The following AKAP10 variants were observed in gnomAD, a reference collection of about 807,000 sequenced individuals.
AKAP10 encodes the protein A-kinase anchor protein 10, mitochondrial.
A neutral mutation model predicts 80.8 loss-of-function variants in AKAP10; 24 were observed. The observed-to-expected ratio is 0.30, with a 90% CI of 0.22 to 0.42. AKAP10 has a LOEUF of 0.42. AKAP10 is among the 10% of genes least tolerant of loss of function. The probability of loss-of-function intolerance (pLI) is 1.00; values close to 1 mark genes in which losing one functional copy is unlikely to be tolerated. For synonymous variants in AKAP10, 291 were observed against 277.7 expected, an observed-to-expected ratio of 1.05 and a Z score of -0.48; for missense variants, 661 against 794.9, an observed-to-expected ratio of 0.83 and a Z score of 2.03.
chr17:19,951,417 C>G (rs1332010533), intron 4 of AKAP10, among the ~76,000 whole-genome samples: 1 of 152,168 alleles, frequency 6.6e-6, no homozygotes, highest in African/African-American at 2.4e-5. Flanking sequence ...TCATTGAGAA[C>G]GGGCCATGAT....
At chr17:19,950,641 C>T (rs1457876814) in intron 4 of AKAP10, among the ~76,000 whole-genome samples, 3 of 152,232 alleles carry the variant, frequency 2.0e-5, no homozygotes, top group Admixed American at 6.5e-5. Context: ...AGTGCAGTGG[C>T]GTGATCTCAG....
chr17:19,918,090 C>T (rs1018707513), intron 12 of AKAP10, among the ~76,000 whole-genome samples: 6 of 149,216 alleles, frequency 4.0e-5, no homozygotes, highest in South Asian at 2.1e-4. Context: ...TGTGGTGGCA[C>T]GCGCCTGTAA....
At chr17:19,924,192 G>A (rs1290904685) in intron 11 of AKAP10, among the ~76,000 whole-genome samples, 1 of 152,134 alleles carries the variant, frequency 6.6e-6, no homozygotes, top group African/African-American at 2.4e-5. Context: ...GATACCAAGA[G>A]GTTAGCGGCT....
intron 11 of AKAP10, 77 bp downstream of exon 11, chr17:19,924,331 G>C: frequency 9.6e-7 from 1 of 1,043,384 alleles, no homozygotes; most frequent in Non-Finnish European, 1.3e-6. Flanking sequence ...AGAAAAAAAT[G>C]TAAAATTTAA....
chr17:19,962,486 C>T (rs999329297), intron 3 of AKAP10, among the ~76,000 whole-genome samples: 2 of 152,168 alleles, frequency 1.3e-5, no homozygotes, highest in African/African-American at 4.8e-5. Context: ...TGCATCTTCA[C>T]TGACATTCAA....
At chr17:19,910,339 A>AAAAAAAAACAAAC (rs1425341451) in intron 12 of AKAP10, among the ~76,000 whole-genome samples, 17 of 151,624 alleles carry the variant, frequency 1.1e-4, no homozygotes, top group African/African-American at 4.1e-4. Context: ...AAAAAAAAAA[A>AAAAAAAAACAAAC]AAACCACTAT....
At chr17:19,925,122 C>A (rs1209149973) in intron 10 of AKAP10, among the ~76,000 whole-genome samples, 1 of 152,074 alleles carries the variant, frequency 6.6e-6, no homozygotes, top group African/African-American at 2.4e-5. Context: ...CAAGATTGTA[C>A]CACTGCACGC....
chr17:19,962,763 G>A (rs2043368501), intron 3 of AKAP10, 77 bp downstream of exon 3: 6 of 1,450,920 alleles, frequency 4.1e-6, no homozygotes, highest in Non-Finnish European at 2.8e-6. Context: ...ATATAGTTCT[G>A]TATCCTATGA....
chr17:19,908,528 C>T (rs1043696755), intron 14 of AKAP10, among the ~76,000 whole-genome samples: 1 of 152,166 alleles, frequency 6.6e-6, no homozygotes, highest in Non-Finnish European at 1.5e-5. Context: ...CAGATCACTC[C>T]TAGGCCAAGG....
At chr17:19,936,084 A>G (rs1251743169) in intron 9 of AKAP10, 1 of 443,542 alleles carries the variant, frequency 2.3e-6, no homozygotes, top group African/African-American at 2.0e-5. Flanking sequence ...GGACCATCGT[A>G]CACGCAGTCC....
At chr17:19,961,021 TAAATAAACAAAC>T (rs1046534944) in intron 3 of AKAP10, among the ~76,000 whole-genome samples, 3 of 143,336 alleles carry the variant, frequency 2.1e-5, no homozygotes, top group African/African-American at 8.4e-5. Flanking sequence ...CGTCTACAAA[TAAATAAACAAAC>T]AAACAAACAA....
At chr17:19,913,622 T>A (rs2042714882) in intron 12 of AKAP10, among the ~76,000 whole-genome samples, 1 of 152,186 alleles carries the variant, frequency 6.6e-6, no homozygotes, top group Non-Finnish European at 1.5e-5. Context: ...GGATATGATA[T>A]ACACAGATAC....
chr17:19,962,890 G>C lies in AKAP10; in HGVS notation c.269C>G (p.Thr90Arg), dbSNP rs1302380098. 6.2e-7 allele frequency: 1 copy of C among 1,614,142 alleles called. No homozygotes were observed. Among genetic ancestry groups the C allele is most frequent in the Non-Finnish European group, 8.5e-7 (1 of 1,179,996 alleles). The change falls in exon 3 of 15, where the codon ACA (threonine) becomes AGA (arginine). Residue 90 changes from threonine (T) to arginine (R), a missense_variant. By Grantham distance (71) the Thr-to-Arg change is moderately conservative. Coordinates refer to ENST00000225737, the MANE Select transcript of AKAP10 (RefSeq NM_007202.4). ...MDSFSSSRTA[T>R]LKKQPSHMEA... ...CATGTGGCTTGGCTGCTTCTTAAGT[G>C]TGGCTGTCCTGCTACTTGAAAAGGA...
intron 4 of AKAP10, among the ~76,000 whole-genome samples, chr17:19,957,589 A>C (rs2152417574): frequency 6.6e-6 from 1 of 152,314 alleles, no homozygotes; most frequent in African/African-American, 2.4e-5. Flanking sequence ...GTGACTAATA[A>C]ATAAAATCCA....
At chr17:19,936,095 A>G in intron 9 of AKAP10, 191 bp downstream of exon 9, 1 of 490,228 alleles carries the variant, frequency 2.0e-6, no homozygotes, top group Non-Finnish European at 3.5e-6. Context: ...CACGCAGTCC[A>G]CTGTTGACTA....
chr17:19,923,171 G>A (rs895714312), intron 11 of AKAP10, among the ~76,000 whole-genome samples: 3 of 152,040 alleles, frequency 2.0e-5, no homozygotes, highest in African/African-American at 4.8e-5. Context: ...TCCGCCTCCC[G>A]GGTTCAAGCA....
chr17:19,946,601 C>T (rs1474567201), intron 5 of AKAP10, among the ~76,000 whole-genome samples: 1 of 148,054 alleles, frequency 6.8e-6, no homozygotes, highest in Non-Finnish European at 1.5e-5. Context: ...ATTGATCTTG[C>T]TGTCATTGTT....
intron 1 of AKAP10, among the ~76,000 whole-genome samples, chr17:19,974,389 T>C (rs927645735): frequency 4.6e-5 from 7 of 152,132 alleles, no homozygotes; most frequent in South Asian, 4.1e-4. Flanking sequence ...TAAAACATTA[T>C]AAGTTTTGCG....
At chr17:19,957,723 G>T (rs919725752) in intron 4 of AKAP10, among the ~76,000 whole-genome samples, 1 of 152,124 alleles carries the variant, frequency 6.6e-6, no homozygotes, top group Non-Finnish European at 1.5e-5. Flanking sequence ...GAGGAAATAA[G>T]GCTATGTGGA....
Sources: allele counts gnomAD v4.1 joint callset (sites outside exome capture counted in the v4.1 genomes callset), GRCh38; gene constraint gnomAD v4.1.1; transcripts MANE v1.5; gene names NCBI Gene and HGNC (gene_info 2026-07-23, HGNC 2026-07-21).